Variants in TAF12 observed in about 807,000 individuals in gnomAD.
The protein encoded by TAF12 is transcription initiation factor TFIID subunit 12.
Under a neutral mutation model 20.8 loss-of-function variants are expected in TAF12, and 3 were observed. That is an observed-to-expected ratio of 0.14 (90% CI 0.07 to 0.37). The LOEUF (loss-of-function observed/expected upper bound fraction) is 0.37, where lower values mean the gene tolerates loss of function less well. TAF12 is among the 10% of genes least tolerant of loss of function. The pLI, the probability that TAF12 is intolerant of heterozygous loss-of-function variation, is 1.00. For synonymous variants in TAF12, 69 were observed against 70.2 expected (o/e 0.98, Z 0.09); for missense variants, 131 against 197.9 (o/e 0.66, Z 2.03).
rs1182622311 is a variant in TAF12, at chr1:28,613,234, C to A, written c.361+13G>T. The A allele has an allele frequency of 4.4e-6, 7 of 1,596,100 alleles. No homozygotes were observed. The South Asian group carries it at 8.0e-5, about 18-fold the overall frequency. On this transcript the variant is annotated intron_variant, in intron 4 of 5. Coordinates refer to ENST00000373824, the MANE Select transcript of TAF12 (RefSeq NM_005644.4). ...GTTGAATCCATACTTCAGGGAGAAA[C>A]AAGACCACATACCTAAATGCAGCTG...
At chr1:28,613,037 G>T (rs114377465) in intron 4 of TAF12, among the ~76,000 whole-genome samples, 289 of 152,302 alleles carry the variant, frequency 1.9e-3, no homozygotes, top group African/African-American at 6.7e-3. Context: ...CTAGAAAGTG[G>T]CAGAATCTGG....
intron 1 of TAF12, among the ~76,000 whole-genome samples, chr1:28,642,221 A>C (rs185656895): frequency 6.4e-4 from 97 of 152,308 alleles, no homozygotes; most frequent in African/African-American, 2.2e-3. Flanking sequence ...ACACAAGAAA[A>C]GCTTGCCAAG....
chr1:28,643,150 G>A, upstream of TAF12: 2 of 980,928 alleles, frequency 2.0e-6, no homozygotes, highest in Non-Finnish European at 2.4e-6. Flanking sequence ...GCGGGCGCGC[G>A]CCTCGCTTGC....
chr1:28,605,227 T>A, intron 5 of TAF12, 145 bp downstream of exon 5: 1 of 729,890 alleles, frequency 1.4e-6, no homozygotes, highest in Non-Finnish European at 2.3e-6. Flanking sequence ...TGCTGCCTCT[T>A]GCCCTCTCTG....
At chr1:28,618,393 T>C (rs1667107398) in intron 2 of TAF12, among the ~76,000 whole-genome samples, 1 of 152,150 alleles carries the variant, frequency 6.6e-6, no homozygotes, top group South Asian at 2.1e-4. Context: ...TTTTGTTTTG[T>C]TTTTGAGACA....
At chr1:28,641,255 G>A (rs1668022602) in intron 1 of TAF12, among the ~76,000 whole-genome samples, 1 of 152,070 alleles carries the variant, frequency 6.6e-6, no homozygotes, top group Admixed American at 6.6e-5. Flanking sequence ...GCTGAGGCGG[G>A]CGGATCACTT....
chr1:28,644,769 G>A (rs12142346), upstream of TAF12, among the ~76,000 whole-genome samples: 30,751 of 152,226 alleles, frequency 0.2, 3,852 homozygotes, highest in Middle Eastern at 0.31. Context: ...TTTGGTAACC[G>A]GGAAAGACAA....
At chr1:28,630,906 C>A (rs779538598) in intron 1 of TAF12, among the ~76,000 whole-genome samples, 2 of 151,604 alleles carry the variant, frequency 1.3e-5, no homozygotes, top group Non-Finnish European at 2.9e-5. Flanking sequence ...ATTAGCAGGG[C>A]ATAGTGGTGG....
At chr1:28,604,941 G>C (rs1666614872) in intron 5 of TAF12, among the ~76,000 whole-genome samples, 1 of 152,172 alleles carries the variant, frequency 6.6e-6, no homozygotes, top group East Asian at 1.9e-4. Flanking sequence ...AGAATGTCCA[G>C]CACGGCAGCC....
chr1:28,642,033 A>G (rs1668051582), intron 1 of TAF12, among the ~76,000 whole-genome samples: 1 of 152,164 alleles, frequency 6.6e-6, no homozygotes. Context: ...TCCATCACTG[A>G]CATTCTTTTA....
At chr1:28,640,270 T>C (rs1176591607) in intron 1 of TAF12, among the ~76,000 whole-genome samples, 1 of 152,248 alleles carries the variant, frequency 6.6e-6, no homozygotes, top group Non-Finnish European at 1.5e-5. Flanking sequence ...AGAATTTAGT[T>C]CTCAAATGCC....
intron 1 of TAF12, chr1:28,648,177 T>G (rs954077079): frequency 2.1e-5 from 21 of 985,262 alleles, no homozygotes; most frequent in South Asian, 1.4e-4. Context: ...TAGGTTGTGA[T>G]TCTTGTCTTC....
chr1:28,623,393 C>T (rs1051524867), intron 1 of TAF12, among the ~76,000 whole-genome samples: 3 of 151,222 alleles, frequency 2.0e-5, no homozygotes, highest in Non-Finnish European at 4.4e-5. Flanking sequence ...TGGTGACACA[C>T]GCCTGTAATC....
intron 1 of TAF12, chr1:28,648,184 C>T: frequency 1.0e-6 from 1 of 985,386 alleles, no homozygotes; most frequent in Non-Finnish European, 1.2e-6. Context: ...TGATTCTTGT[C>T]TTCCCCAGTC....
At chr1:28,623,285 G>A (rs1212441599) in intron 1 of TAF12, among the ~76,000 whole-genome samples, 4 of 152,074 alleles carry the variant, frequency 2.6e-5, no homozygotes, top group African/African-American at 9.7e-5. Context: ...ACTTTGGGAG[G>A]CCGAGGTGGG....
chr1:28,617,183 G>C (rs1165526781), intron 3 of TAF12, among the ~76,000 whole-genome samples: 4 of 152,122 alleles, frequency 2.6e-5, no homozygotes, highest in African/African-American at 9.7e-5. Context: ...ATATTACTTA[G>C]AAATATAGAA....
At chr1:28,610,957 CAAAAAAA>C (rs1170666206) in intron 4 of TAF12, among the ~76,000 whole-genome samples, 1 of 26,796 alleles carries the variant, frequency 3.7e-5, no homozygotes, top group African/African-American at 1.6e-4. Context: ...GAGACTGTCT[CAAAAAAA>C]AAAAAAAAAA....
At chr1:28,642,896 C>T in intron 1 of TAF12, 96 bp downstream of exon 1, 1 of 986,216 alleles carries the variant, frequency 1.0e-6, no homozygotes, top group Non-Finnish European at 1.2e-6. Context: ...CCGTCTCGTC[C>T]ACAACCTGGT....
intron 1 of TAF12, among the ~76,000 whole-genome samples, chr1:28,628,515 G>A (rs937571334): frequency 3.3e-5 from 5 of 151,988 alleles, no homozygotes; most frequent in African/African-American, 4.8e-5. Flanking sequence ...GAGACTGGCT[G>A]CTAATGGGTA....
Sources: allele counts gnomAD v4.1 joint callset (sites outside exome capture counted in the v4.1 genomes callset), GRCh38; gene constraint gnomAD v4.1.1; transcripts MANE v1.5; gene names NCBI Gene and HGNC (gene_info 2026-07-23, HGNC 2026-07-21).